TSHZ1: variants seen among roughly 807,000 people sequenced by gnomAD.
TSHZ1 encodes the protein teashirt zinc finger homeobox 1, also known as teashirt homolog 1.
TSHZ1 carries 12 observed loss-of-function variants against 67.1 expected under a neutral mutation model. The ratio of observed to expected loss-of-function variants is 0.18; its 90% confidence interval spans 0.11 to 0.29. The LOEUF is 0.29. Among genes scored for constraint, TSHZ1 ranks in the 10% least tolerant of loss-of-function variants. The pLI is 1.00. For missense variants in TSHZ1, 1,305 were observed against 1,413.9 expected, an observed-to-expected ratio of 0.92 and a Z score of 1.23; for synonymous variants, 632 against 622.4, an observed-to-expected ratio of 1.02 and a Z score of -0.23.
At chr18:75,231,621 G>A (rs902851103) in intron 1 of TSHZ1, among the ~76,000 whole-genome samples, 2 of 152,100 alleles carry the variant, frequency 1.3e-5, no homozygotes, top group African/African-American at 4.8e-5. Context: ...TGCAACCTCT[G>A]CCTCCTGGGT....
intron 1 of TSHZ1, 48 bp from the exon 2 acceptor site, chr18:75,285,398 CTT>C (rs1452242656): frequency 7.0e-7 from 1 of 1,420,532 alleles, no homozygotes; most frequent in African/African-American, 1.4e-5. Flanking sequence ...GAGGCTGTCT[CTT>C]TGAAGATGAT....
chr18:75,214,434 T>C (rs1422301749), intron 1 of TSHZ1, among the ~76,000 whole-genome samples: 1 of 152,232 alleles, frequency 6.6e-6, no homozygotes, highest in Non-Finnish European at 1.5e-5. Context: ...TATTATTTGT[T>C]CATTTTCTGG....
At chr18:75,269,873 T>G (rs2023536950) in intron 1 of TSHZ1, among the ~76,000 whole-genome samples, 1 of 152,038 alleles carries the variant, frequency 6.6e-6, no homozygotes, top group Non-Finnish European at 1.5e-5. Flanking sequence ...GAAGCCTGAG[T>G]CGACGTGGCT....
rs1342458618 is a variant in TSHZ1 at position 75,286,639 on chromosome 18, G to A, written c.1232G>A (p.Arg411His). ...AGCTACACCTGGCAGTTTGAGGCCC[G>A]CAAGGCGCAGATCCTCAAGTGCATG... ...GASYTWQFEA[R>H]KAQILKCMEC... The change falls in exon 2 of 2, where the codon CGC becomes CAC. Residue 411 changes from arginine (R) to histidine (H), a missense_variant. Arg to His is a conservative substitution (Grantham distance 29, BLOSUM62 0). Around this residue, in one of 3 missense-constraint regions of TSHZ1, gnomAD observed 909 missense variants for 961.8 expected, o/e 0.95. Transcript: ENST00000580243. This position sits in a 1 kb window ranked among gnomAD's most constrained non-coding sequence, Gnocchi z 5.1. The A allele has an allele frequency of 2.5e-6, 4 of 1,614,090 alleles. No individual in the cohort carries two copies. Among genetic ancestry groups the A allele is most frequent in the East Asian group, 2.2e-5 (1 of 44,888 alleles).
chr18:75,211,586 C>T lies in TSHZ1; in HGVS notation c.-291C>T, dbSNP rs1272124989. 1 of 139,042 alleles carries T rather than the reference C, an allele frequency of 7.2e-6. No individual in the cohort carries two copies. The highest frequency in any genetic ancestry group is 2.4e-4 in the East Asian group (1 of 4,108). 8.6% of individuals were successfully genotyped at this position (139,042 alleles called of 1,614,324 possible). A position where few individuals can be genotyped will look rare whatever the true frequency, so the allele number is the denominator to read the frequency against. ...AGCGCCCGCTGCTGCGCCCGCGGCC[C>T]GCGCCGGGGATGACTCCGGGCTCGG... On this transcript the variant is annotated 5_prime_UTR_variant, in exon 1 of 2. Transcript: ENST00000580243.
intron 1 of TSHZ1, among the ~76,000 whole-genome samples, chr18:75,254,036 C>A (rs778032283): frequency 3.3e-5 from 5 of 152,318 alleles, no homozygotes; most frequent in Non-Finnish European, 7.4e-5. Flanking sequence ...GCATTGACTG[C>A]AGTATTCCTG....
chr18:75,240,673 C>T (rs79285750), intron 1 of TSHZ1, among the ~76,000 whole-genome samples: 1,829 of 152,264 alleles, frequency 0.012, 32 homozygotes, highest in African/African-American at 0.042. Context: ...CCAGCGGGGG[C>T]GCCCGTGAGC....
intron 1 of TSHZ1, among the ~76,000 whole-genome samples, chr18:75,261,231 G>T (rs967564812): frequency 2.0e-5 from 3 of 152,186 alleles, no homozygotes; most frequent in Non-Finnish European, 4.4e-5. Context: ...GTAGGTAAGA[G>T]AACTGTATCT....
intron 1 of TSHZ1, among the ~76,000 whole-genome samples, chr18:75,271,969 G>A (rs1232022665): frequency 1.3e-5 from 2 of 152,180 alleles, no homozygotes; most frequent in Non-Finnish European, 2.9e-5. Flanking sequence ...AAGAATGTAT[G>A]GAAGTCAGTT....
intron 1 of TSHZ1, among the ~76,000 whole-genome samples, chr18:75,271,964 T>G (rs2023563434): frequency 6.6e-6 from 1 of 152,238 alleles, no homozygotes; most frequent in Non-Finnish European, 1.5e-5. Flanking sequence ...CTGTAAAGAA[T>G]GTATGGAAGT....
chr18:75,211,830 G>C lies in TSHZ1; in HGVS notation c.-47G>C, dbSNP rs2022695908. 1 of 1,108,478 alleles carries C rather than the reference G, an allele frequency of 9.0e-7. No individual in the cohort carries two copies. The highest frequency in any genetic ancestry group is 1.1e-6 in the Non-Finnish European group (1 of 909,842). The allele number at this position is 1,108,478 out of a possible 1,614,324, so 68.7% of individuals were successfully genotyped here. A position where few individuals can be genotyped will look rare whatever the true frequency, so the allele number is the denominator to read the frequency against. On this transcript the variant is annotated 5_prime_UTR_variant, in exon 1 of 2. Transcript: ENST00000580243. ...CCGGGGCCCCGCGTCCCCGCGCCCC[G>C]CGAACTCCGGCGGCGGCTGAGGCGA... is the stretch of plus-strand genomic sequence containing the variant.
chr18:75,280,223 A>T (rs986795347), intron 1 of TSHZ1, among the ~76,000 whole-genome samples: 1 of 152,252 alleles, frequency 6.6e-6, no homozygotes, highest in Non-Finnish European at 1.5e-5. Context: ...GGCAAGTTTT[A>T]TGTGTGTAAA....
At chr18:75,236,700 G>A (rs79417825) in intron 1 of TSHZ1, among the ~76,000 whole-genome samples, 121 of 152,176 alleles carry the variant, frequency 8.0e-4, no homozygotes, top group African/African-American at 2.6e-3. Flanking sequence ...AATGATAGGC[G>A]CTCACTAAGT....
chr18:75,219,827 G>T (rs2122516634), intron 1 of TSHZ1, among the ~76,000 whole-genome samples: 2 of 152,370 alleles, frequency 1.3e-5, no homozygotes, highest in Non-Finnish European at 2.9e-5. Context: ...AGTGTACTTT[G>T]TACTGCCTGC....
At chr18:75,276,744 G>A (rs775700568) in intron 1 of TSHZ1, among the ~76,000 whole-genome samples, 2 of 152,194 alleles carry the variant, frequency 1.3e-5, no homozygotes, top group Non-Finnish European at 2.9e-5. Flanking sequence ...AGATAAACAT[G>A]TAATTTGGTA....
rs997548493 is a variant in TSHZ1, at chr18:75,224,088, A to C, written c.40+12172A>C. 2.1e-4 allele frequency among the ~76,000 whole-genome samples: 30 copies of C among 143,818 alleles called. No homozygotes were observed. In the Middle Eastern group the frequency reaches 0.011, roughly 52 times the overall value. 94.4% of individuals were successfully genotyped at this position (143,818 alleles called of 152,430 possible). Reference sequence around the variant, plus strand: ...AAAAAAAAAAAAAAAAAAGATCCTCACTTTTTTTTTTTTTAAAGGAAGGGA... The same window carrying C: ...AAAAAAAAAAAAAAAAAAGATCCTCCCTTTTTTTTTTTTTAAAGGAAGGGA... On this transcript the variant is annotated intron_variant, in intron 1 of 1. Transcript: ENST00000580243.
intron 1 of TSHZ1, among the ~76,000 whole-genome samples, chr18:75,213,417 G>A (rs577027071): frequency 1.1e-3 from 160 of 152,232 alleles, no homozygotes; most frequent in Non-Finnish European, 1.7e-3. Context: ...CAAGATATTC[G>A]CCACTTGCTC....
At chr18:75,225,800 A>G (rs1483084377) in intron 1 of TSHZ1, among the ~76,000 whole-genome samples, 2 of 152,100 alleles carry the variant, frequency 1.3e-5, no homozygotes, top group Non-Finnish European at 2.9e-5. Flanking sequence ...TCAAAGCCAT[A>G]CATTTTTTGA....
intron 1 of TSHZ1, among the ~76,000 whole-genome samples, chr18:75,214,336 C>T (rs932379365): frequency 6.6e-6 from 1 of 152,188 alleles, no homozygotes; most frequent in African/African-American, 2.4e-5. Flanking sequence ...TCATCTTAAG[C>T]GTTTAATAAG....
Sources: allele counts gnomAD v4.1 joint callset (sites outside exome capture counted in the v4.1 genomes callset), GRCh38; gene constraint gnomAD v4.1.1; regional missense constraint gnomAD v4.1.1; non-coding constraint Gnocchi (gnomAD v3.1); transcripts MANE v1.5; gene names NCBI Gene and HGNC (gene_info 2026-07-23, HGNC 2026-07-21).